The following STAG1 variants were observed in gnomAD, a reference collection of about 807,000 sequenced individuals.
STAG1 encodes the protein STAG1 cohesin complex component, also known as cohesin subunit SA-1.
Under a neutral mutation model 170.9 loss-of-function variants are expected in STAG1, and 26 were observed. The observed-to-expected ratio is 0.15, with a 90% confidence interval of 0.11 to 0.21. The LOEUF is 0.21. Among genes scored for constraint, STAG1 ranks in the 10% least tolerant of loss-of-function variants. The probability of loss-of-function intolerance (pLI) is 1.00; values close to 1 mark genes in which losing one functional copy is unlikely to be tolerated. For synonymous variants in STAG1, 514 were observed against 497.7 expected (o/e 1.03, Z -0.44); for missense variants, 964 against 1,509.5 (o/e 0.64, Z 5.99).
chr3:136,586,159 A>G (rs904840198), intron 4 of STAG1, among the ~76,000 whole-genome samples: 1 of 152,208 alleles, frequency 6.6e-6, no homozygotes, highest in African/African-American at 2.4e-5. Context: ...AAACAATAAT[A>G]TAAATGAAGT....
chr3:136,532,348 G>T (rs532330232), intron 6 of STAG1, among the ~76,000 whole-genome samples: 14 of 152,222 alleles, frequency 9.2e-5, no homozygotes, highest in African/African-American at 3.4e-4. Context: ...TGTTTTTGCT[G>T]TGGCCTTATC....
intron 7 of STAG1, among the ~76,000 whole-genome samples, chr3:136,505,184 C>T (rs1933694465): frequency 6.6e-6 from 1 of 152,086 alleles, no homozygotes; most frequent in African/African-American, 2.4e-5. Flanking sequence ...CTAAAAAAAC[C>T]TTTTTGTAAG....
intron 1 of STAG1, among the ~76,000 whole-genome samples, chr3:136,635,153 A>G (rs923356498): frequency 6.6e-6 from 1 of 152,208 alleles, no homozygotes; most frequent in Non-Finnish European, 1.5e-5. Context: ...ACACCAAACT[A>G]CACAAAAACA....
chr3:136,485,660 C>T (rs977357106), intron 9 of STAG1, among the ~76,000 whole-genome samples: 19 of 152,108 alleles, frequency 1.2e-4, no homozygotes, highest in African/African-American at 4.6e-4. Flanking sequence ...TTCCTATATA[C>T]GTCTGATACA....
intron 12 of STAG1, among the ~76,000 whole-genome samples, chr3:136,465,208 C>T (rs1435590097): frequency 6.8e-6 from 1 of 146,180 alleles, no homozygotes; most frequent in South Asian, 2.2e-4. Flanking sequence ...AAAATGCTCA[C>T]AATTCTTCTA....
At chr3:136,370,378 A>T (rs1233538470) in intron 23 of STAG1, among the ~76,000 whole-genome samples, 1 of 152,074 alleles carries the variant, frequency 6.6e-6, no homozygotes, top group Non-Finnish European at 1.5e-5. Flanking sequence ...TTATTATTAT[A>T]CTTTAAGTTT....
At chr3:136,526,276 C>T (rs1243580197) in intron 6 of STAG1, among the ~76,000 whole-genome samples, 1 of 152,180 alleles carries the variant, frequency 6.6e-6, no homozygotes, top group Non-Finnish European at 1.5e-5. Context: ...AATCTGGGTG[C>T]TCCTGTATTG....
chr3:136,611,943 G>A (rs1044960745), intron 3 of STAG1, among the ~76,000 whole-genome samples: 3 of 151,868 alleles, frequency 2.0e-5, no homozygotes, highest in Non-Finnish European at 4.4e-5. Flanking sequence ...CGCCTCCTGG[G>A]TTCACGCCAT....
rs118063143 is a variant in STAG1, at chr3:136,553,045, G to T, written c.395-10850C>A. Among the ~76,000 whole-genome samples, 305 of 151,960 alleles carry T rather than the reference G, an allele frequency of 2.0e-3. 4 individuals are homozygous for T. The East Asian group carries it at 0.029, about 15-fold the overall frequency. On this transcript the variant is annotated intron_variant, in intron 5 of 33. Transcript: ENST00000383202. ...AGGCTCACAAAGACTTAAAATACTAGAATTATCAGATAGAGATTAGAAAAG... is the reference window on the plus strand; with the variant it reads ...AGGCTCACAAAGACTTAAAATACTATAATTATCAGATAGAGATTAGAAAAG...
chr3:136,425,625 A>C (rs569467657), intron 16 of STAG1, among the ~76,000 whole-genome samples: 1 of 151,808 alleles, frequency 6.6e-6, no homozygotes, highest in East Asian at 1.9e-4. Flanking sequence ...AGAGGTAAAA[A>C]CTCTATTAGG....
chr3:136,534,592 A>T (rs1052434572), intron 6 of STAG1, among the ~76,000 whole-genome samples: 6 of 152,214 alleles, frequency 3.9e-5, no homozygotes, highest in Admixed American at 1.3e-4. Context: ...AGCAAAGCAC[A>T]TGAATAGTCA....
At chr3:136,417,777 G>T (rs2087816173) in intron 21 of STAG1, 108 bp downstream of exon 21, 2 of 766,432 alleles carry the variant, frequency 2.6e-6, no homozygotes, top group African/African-American at 1.7e-5. Flanking sequence ...AGAGGCAGCT[G>T]CCCTAATGAA....
chr3:136,744,664 T>G (rs1194592036), intron 1 of STAG1, among the ~76,000 whole-genome samples: 1 of 147,312 alleles, frequency 6.8e-6, no homozygotes, highest in Non-Finnish European at 1.5e-5. Context: ...TTAGGTAAAC[T>G]GCAACCATCT....
intron 1 of STAG1, among the ~76,000 whole-genome samples, chr3:136,696,803 G>A (rs1293482326): frequency 6.6e-6 from 1 of 152,168 alleles, no homozygotes; most frequent in Non-Finnish European, 1.5e-5. Flanking sequence ...GATTCCGTAT[G>A]TATGACATTC....
intron 4 of STAG1, chr3:136,586,806 G>C (rs1284819796): frequency 2.2e-6 from 1 of 456,364 alleles, no homozygotes; most frequent in Admixed American, 2.4e-5. Flanking sequence ...GCTCACCTGA[G>C]TATGTGGTAA....
chr3:136,586,634 C>G (rs6806123), intron 4 of STAG1, among the ~76,000 whole-genome samples: 25,174 of 152,168 alleles, frequency 0.17, 2,769 homozygotes, highest in Non-Finnish European at 0.24. Flanking sequence ...CTTATCTTGG[C>G]ACTAATCAGC....
intron 9 of STAG1, among the ~76,000 whole-genome samples, chr3:136,499,046 C>T (rs781541589): frequency 1.3e-5 from 2 of 152,188 alleles, no homozygotes; most frequent in Non-Finnish European, 2.9e-5. Flanking sequence ...GCATATTCAA[C>T]AAGTTAGACC....
At chr3:136,592,593 T>C (rs939935201) in intron 4 of STAG1, among the ~76,000 whole-genome samples, 1 of 152,190 alleles carries the variant, frequency 6.6e-6, no homozygotes, top group Non-Finnish European at 1.5e-5. Flanking sequence ...TATCTTCTTA[T>C]ATTTCCCCAA....
chr3:136,423,132 A>G, intron 16 of STAG1, 88 bp from the exon 17 acceptor site: 1 of 779,794 alleles, frequency 1.3e-6, no homozygotes, highest in Non-Finnish European at 1.9e-6. Context: ...CTGGCAAATA[A>G]TATAACCACA....
Sources: allele counts gnomAD v4.1 joint callset (sites outside exome capture counted in the v4.1 genomes callset), GRCh38; gene constraint gnomAD v4.1.1; transcripts MANE v1.5; gene names NCBI Gene and HGNC (gene_info 2026-07-23, HGNC 2026-07-21).